PRAG1: variants seen among roughly 807,000 people sequenced by gnomAD.
PRAG1 encodes the protein inactive tyrosine-protein kinase PRAG1.
In PRAG1, 110 loss-of-function variants were observed where a neutral mutation model predicts 95.6. That is an observed-to-expected ratio of 1.15 (90% CI 0.99 to 1.35). The LOEUF is 1.35. PRAG1 is among the 40% of genes most tolerant of loss of function. PRAG1 has a pLI of 0.00. For missense variants in PRAG1, 2,554 were observed against 1,864.7 expected, an observed-to-expected ratio of 1.37 and a Z score of -6.81; for synonymous variants, 1,052 against 819.4, an observed-to-expected ratio of 1.28 and a Z score of -4.85.
At chr8:8,380,981 A>G (rs2116947865) in intron 2 of PRAG1, among the ~76,000 whole-genome samples, 1 of 152,110 alleles carries the variant, frequency 6.6e-6, no homozygotes, top group South Asian at 2.1e-4. Flanking sequence ...TTAAAATCAT[A>G]GGGAAGGGGG....
chr8:8,367,289 C>G (rs1324082391), intron 3 of PRAG1, among the ~76,000 whole-genome samples: 1 of 151,532 alleles, frequency 6.6e-6, no homozygotes, highest in Non-Finnish European at 1.5e-5. Flanking sequence ...TGAACCCCAT[C>G]TCTACTAATA....
chr8:8,328,568 T>A, intron 4 of PRAG1, 107 bp from the exon 5 acceptor site: 1 of 1,196,550 alleles, frequency 8.4e-7, no homozygotes, highest in Non-Finnish European at 1.1e-6. Flanking sequence ...TCAGAGCAAT[T>A]AATTTTATGT....
At chr8:8,374,191 A>G (rs1355806121) in intron 3 of PRAG1, among the ~76,000 whole-genome samples, 1 of 152,196 alleles carries the variant, frequency 6.6e-6, no homozygotes, top group Non-Finnish European at 1.5e-5. Flanking sequence ...ATCTCATTTT[A>G]GAGAAGAGAC....
chr8:8,355,893 G>A (rs1315867620), intron 3 of PRAG1, among the ~76,000 whole-genome samples: 1 of 152,114 alleles, frequency 6.6e-6, no homozygotes, highest in South Asian at 2.1e-4. Context: ...CGCACCAAAA[G>A]CTCAGACTAC....
intron 3 of PRAG1, among the ~76,000 whole-genome samples, chr8:8,352,528 A>T (rs1038014432): frequency 7.2e-5 from 11 of 152,196 alleles, no homozygotes; most frequent in African/African-American, 2.4e-4. Flanking sequence ...TCATCTTCTT[A>T]GTCACCATAC....
chr8:8,349,533 C>T (rs529629528), intron 3 of PRAG1, among the ~76,000 whole-genome samples: 4 of 152,166 alleles, frequency 2.6e-5, no homozygotes, highest in South Asian at 2.1e-4. Flanking sequence ...CCACCTGCCT[C>T]GGCCTCCCAA....
chr8:8,379,695 A>G (rs1800567446), intron 2 of PRAG1, among the ~76,000 whole-genome samples: 1 of 152,228 alleles, frequency 6.6e-6, no homozygotes, highest in African/African-American at 2.4e-5. Flanking sequence ...AACAGGTAGC[A>G]AGCAGTTCCT....
chr8:8,352,846 C>T (rs1247995707), intron 3 of PRAG1, among the ~76,000 whole-genome samples: 2 of 152,064 alleles, frequency 1.3e-5, no homozygotes, highest in Non-Finnish European at 2.9e-5. Context: ...TAAGGGCATA[C>T]ATAAGCTGAA....
chr8:8,323,640 C>T (rs542530692), intron 5 of PRAG1, among the ~76,000 whole-genome samples: 36 of 152,188 alleles, frequency 2.4e-4, no homozygotes, highest in African/African-American at 8.4e-4. Context: ...GCCCCTTTTG[C>T]TTGGCTTCTC....
rs532198566 is a variant in PRAG1 at position 8,378,196 on chromosome 8, C to T, written c.331-118G>A. The T allele has an allele frequency of 4.1e-4, 500 of 1,230,252 alleles. No homozygotes were observed. The African/African-American group carries it at 6.9e-3, about 17-fold the overall frequency. 76.2% of individuals were successfully genotyped at this position (1,230,252 alleles called of 1,614,324 possible). A position where few individuals can be genotyped will look rare whatever the true frequency, so the allele number is the denominator to read the frequency against. ...GTAGAATGTCTTCTGTAGTGCAGTG[C>T]AGGGGCGCTGGGGCCGGGGACTCAG... On this transcript the variant is annotated intron_variant, in intron 2 of 5. Transcript: ENST00000615670.
chr8:8,360,711 T>A (rs1585257511), intron 3 of PRAG1, among the ~76,000 whole-genome samples: 1 of 152,256 alleles, frequency 6.6e-6, no homozygotes, highest in Non-Finnish European at 1.5e-5. Context: ...GCATATTTTC[T>A]CATCTGTTCT....
intron 1 of PRAG1, among the ~76,000 whole-genome samples, chr8:8,386,055 G>A (rs866945908): frequency 6.6e-6 from 1 of 152,184 alleles, no homozygotes; most frequent in African/African-American, 2.4e-5. Flanking sequence ...GAACTCGTAG[G>A]AAAGTTTCCC....
At chr8:8,338,525 C>T (rs977217086) in intron 4 of PRAG1, among the ~76,000 whole-genome samples, 6 of 152,170 alleles carry the variant, frequency 3.9e-5, no homozygotes, top group African/African-American at 1.4e-4. Context: ...GAAAAATCTA[C>T]AGAAAAAGAA....
At chr8:8,321,755 G>A (rs943630721) in intron 5 of PRAG1, among the ~76,000 whole-genome samples, 1 of 152,132 alleles carries the variant, frequency 6.6e-6, no homozygotes, top group Non-Finnish European at 1.5e-5. Context: ...GTGAAAAAAG[G>A]CCTGGGTTTA....
At position 8,364,327 on chromosome 8, in the gene PRAG1, G is replaced by A. The variant is rs945141387; in HGVS notation, c.2162+11920C>T. 2.0e-5 allele frequency among the ~76,000 whole-genome samples: 3 copies of A among 152,102 alleles called. No individual in the cohort carries two copies. The South Asian group carries it at 6.2e-4, about 32-fold the overall frequency. On this transcript the variant is annotated intron_variant, in intron 3 of 5. Transcript: ENST00000615670. ...ATTTAGCTTTTCCCTCCTGTTAACT[G>A]CCTATCCATGTTTTTGCCTGTTTTT...
intron 3 of PRAG1, among the ~76,000 whole-genome samples, chr8:8,373,182 C>A (rs1800270873): frequency 6.6e-6 from 1 of 152,154 alleles, no homozygotes; most frequent in Non-Finnish European, 1.5e-5. Flanking sequence ...CTCACTAACA[C>A]TCTGATTTGC....
At chr8:8,361,577 G>A (rs1441337943) in intron 3 of PRAG1, among the ~76,000 whole-genome samples, 1 of 152,186 alleles carries the variant, frequency 6.6e-6, no homozygotes, top group African/African-American at 2.4e-5. Flanking sequence ...AAGAAGAACA[G>A]GCCCTTGCCA....
At chr8:8,380,619 G>C (rs767702508) in intron 2 of PRAG1, among the ~76,000 whole-genome samples, 7 of 152,030 alleles carry the variant, frequency 4.6e-5, no homozygotes, top group Non-Finnish European at 8.8e-5. Context: ...ACTTTGGAAG[G>C]CCGAGGTGGG....
intron 3 of PRAG1, among the ~76,000 whole-genome samples, chr8:8,373,504 C>T (rs1024267877): frequency 6.9e-6 from 1 of 144,254 alleles, no homozygotes; most frequent in Non-Finnish European, 1.5e-5. Context: ...GGCAGGAGTA[C>T]AGTGGCACAA....
Sources: gnomAD v4.1 joint callset for allele counts (sites outside exome capture counted in the v4.1 genomes callset) on GRCh38, gnomAD v4.1.1 for gene constraint, MANE v1.5 for transcripts, NCBI Gene and HGNC (gene_info 2026-07-23, HGNC 2026-07-21) for gene names.